CCSER1: variants seen among roughly 807,000 people sequenced by gnomAD.
The protein encoded by CCSER1 is coiled-coil serine rich protein 1.
Under a neutral mutation model 82.0 loss-of-function variants are expected in CCSER1, and 41 were observed. That is an observed-to-expected ratio of 0.50 (90% CI 0.39 to 0.65). The LOEUF is 0.65. Ranked by LOEUF, CCSER1 falls within the 30% of genes least tolerant of loss-of-function variation. The pLI is 0.00. For missense variants in CCSER1, 1,119 were observed against 1,064.2 expected (o/e 1.05, Z -0.72); for synonymous variants, 414 against 383.9 (o/e 1.08, Z -0.92).
At chr4:90,922,448 G>A (rs1009756813) in intron 8 of CCSER1, among the ~76,000 whole-genome samples, 1 of 151,830 alleles carries the variant, frequency 6.6e-6, no homozygotes, top group African/African-American at 2.4e-5. Flanking sequence ...TTATCGTTTG[G>A]GTATTATATA....
chr4:90,890,998 T>C (rs916568911), intron 8 of CCSER1, among the ~76,000 whole-genome samples: 11 of 152,076 alleles, frequency 7.2e-5, no homozygotes, highest in Non-Finnish European at 2.9e-5. Context: ...ATAGTTACAT[T>C]ACATAGCAAA....
intron 1 of CCSER1, among the ~76,000 whole-genome samples, chr4:90,275,159 G>C (rs575236245): frequency 6.6e-6 from 1 of 152,250 alleles, no homozygotes; most frequent in South Asian, 2.1e-4. Flanking sequence ...TAAGTAGCCA[G>C]AACATGGTCT....
chr4:91,095,867 G>T (rs1450402809), intron 10 of CCSER1, among the ~76,000 whole-genome samples: 2 of 151,898 alleles, frequency 1.3e-5, no homozygotes, highest in Non-Finnish European at 2.9e-5. Flanking sequence ...CAATTCTTAT[G>T]TATTCCTGAG....
chr4:90,594,311 CTG>C (rs1783053322), intron 5 of CCSER1, among the ~76,000 whole-genome samples: 1 of 152,158 alleles, frequency 6.6e-6, no homozygotes, highest in Non-Finnish European at 1.5e-5. Flanking sequence ...TCACTTAGCA[CTG>C]TGTCTTGCCT....
At chr4:91,204,801 A>T (rs1177830349) in intron 10 of CCSER1, among the ~76,000 whole-genome samples, 5 of 151,782 alleles carry the variant, frequency 3.3e-5, no homozygotes, top group Non-Finnish European at 7.4e-5. Context: ...TTAATGAAAA[A>T]GGTTAGCATG....
At chr4:90,892,711 T>C (rs932264983) in intron 8 of CCSER1, among the ~76,000 whole-genome samples, 3 of 152,086 alleles carry the variant, frequency 2.0e-5, no homozygotes, top group African/African-American at 7.2e-5. Context: ...ATTGATTTCT[T>C]AACTTAAAAA....
At chr4:90,673,295 G>C (rs919884994) in intron 6 of CCSER1, among the ~76,000 whole-genome samples, 3 of 151,926 alleles carry the variant, frequency 2.0e-5, no homozygotes, top group African/African-American at 7.2e-5. Flanking sequence ...TATATCTTAA[G>C]GTATGCTATT....
At chr4:90,761,496 C>CTAGTCA (rs1750403928) in intron 7 of CCSER1, among the ~76,000 whole-genome samples, 1 of 152,070 alleles carries the variant, frequency 6.6e-6, no homozygotes, top group South Asian at 2.1e-4. Flanking sequence ...CCCACTTGTC[C>CTAGTCA]TAGTCATTTG....
chr4:90,734,711 A>G (rs183365899), intron 7 of CCSER1, among the ~76,000 whole-genome samples: 15 of 152,222 alleles, frequency 9.9e-5, no homozygotes, highest in African/African-American at 2.9e-4. Context: ...CAATTCTAAT[A>G]ATTTTTTTGG....
chr4:91,052,668 ATCTG>A (rs934936580), intron 9 of CCSER1, among the ~76,000 whole-genome samples: 16 of 152,118 alleles, frequency 1.1e-4, no homozygotes, highest in African/African-American at 3.6e-4. Flanking sequence ...CTGTATCTCT[ATCTG>A]TCTGTCTGTC....
chr4:90,480,281 T>C (rs1301613586), intron 5 of CCSER1, among the ~76,000 whole-genome samples: 4 of 152,216 alleles, frequency 2.6e-5, no homozygotes, highest in Admixed American at 1.3e-4. Context: ...ATATTAGCCC[T>C]TTGTCACATA....
In CCSER1 at chr4:91,250,379, T is replaced by C. The variant is rs1004199686; in HGVS notation, c.2217+164385T>C. Among the ~76,000 whole-genome samples the C allele has an allele frequency of 3.3e-5, 5 of 152,150 alleles. No individual in the cohort carries two copies. In the East Asian group the frequency reaches 9.6e-4, roughly 29 times the overall value. On this transcript the variant is annotated intron_variant, in intron 10 of 10. Transcript: ENST00000509176. ...GTATATGTATGTTTATTGCTTTACTTAGCAGAGCTAAAAAAGAACATTAAA... is the reference window on the plus strand; with the variant it reads ...GTATATGTATGTTTATTGCTTTACTCAGCAGAGCTAAAAAAGAACATTAAA...
chr4:90,900,389 G>C (rs1051704082), intron 8 of CCSER1, among the ~76,000 whole-genome samples: 1 of 151,710 alleles, frequency 6.6e-6, no homozygotes, highest in African/African-American at 2.4e-5. Flanking sequence ...TATCAATTTT[G>C]TTTATCCTTT....
At chr4:91,467,185 C>T (rs1411329825) in intron 10 of CCSER1, among the ~76,000 whole-genome samples, 1 of 152,038 alleles carries the variant, frequency 6.6e-6, no homozygotes, top group Non-Finnish European at 1.5e-5. Context: ...AGAACAGAGC[C>T]CTCAGAAATA....
At chr4:90,297,174 A>AGTAGTTT in intron 1 of CCSER1, among the ~76,000 whole-genome samples, 1 of 150,808 alleles carries the variant, frequency 6.6e-6, no homozygotes, top group South Asian at 2.1e-4. Flanking sequence ...TTCATTGAGA[A>AGTAGTTT]GTAGTTTGTA....
At chr4:90,859,928 T>C (rs929400441) in intron 8 of CCSER1, among the ~76,000 whole-genome samples, 2 of 150,658 alleles carry the variant, frequency 1.3e-5, no homozygotes, top group African/African-American at 4.9e-5. Flanking sequence ...GACAGTTGTA[T>C]TTAAAAATTT....
chr4:90,297,427 T>C (rs962381290), intron 1 of CCSER1, among the ~76,000 whole-genome samples: 13 of 152,020 alleles, frequency 8.6e-5, no homozygotes, highest in African/African-American at 3.1e-4. Flanking sequence ...TATATAATCA[T>C]GTCATCTGCA....
intron 5 of CCSER1, among the ~76,000 whole-genome samples, chr4:90,541,812 G>A (rs768917090): frequency 1.3e-5 from 2 of 151,848 alleles, no homozygotes; most frequent in Non-Finnish European, 2.9e-5. Flanking sequence ...TTATTTTGTG[G>A]ATACAAATAA....
chr4:91,279,164 G>A (rs930972610), intron 10 of CCSER1, among the ~76,000 whole-genome samples: 1 of 151,964 alleles, frequency 6.6e-6, no homozygotes, highest in Non-Finnish European at 1.5e-5. Flanking sequence ...TGCCTTAGAA[G>A]TGAGTCGATG....
Sources: allele counts gnomAD v4.1 joint callset (sites outside exome capture counted in the v4.1 genomes callset), GRCh38; gene constraint gnomAD v4.1.1; transcripts MANE v1.5; gene names NCBI Gene and HGNC (gene_info 2026-07-23, HGNC 2026-07-21).